Variants in SORL1 observed in about 807,000 individuals in gnomAD.
SORL1 encodes sortilin-related receptor.
In SORL1, 127 loss-of-function variants were observed where a neutral mutation model predicts 273.7. The observed-to-expected ratio is 0.46, with a 90% CI of 0.40 to 0.54. SORL1 has a LOEUF of 0.54. Among genes scored for constraint, SORL1 ranks in the 20% least tolerant of loss-of-function variants. The probability of loss-of-function intolerance (pLI) is 0.00; values close to 1 mark genes in which losing one functional copy is unlikely to be tolerated. For missense variants in SORL1, 2,494 were observed against 2,846.1 expected (o/e 0.88, Z 2.81); for synonymous variants, 1,031 against 1,067.4 (o/e 0.97, Z 0.66).
At chr11:121,625,432 G>A (rs1196762910) in intron 46 of SORL1, among the ~76,000 whole-genome samples, 155 bp downstream of exon 46, 1 of 152,218 alleles carries the variant, frequency 6.6e-6, no homozygotes, top group East Asian at 1.9e-4. Context: ...AGGTAGTGAT[G>A]TATTTAACAA....
chr11:121,514,415 G>A, intron 8 of SORL1, 94 bp downstream of exon 8: 10 of 1,264,836 alleles, frequency 7.9e-6, no homozygotes, highest in Non-Finnish European at 1.1e-5. Context: ...AGCTGCCCAT[G>A]TGGATACACC....
At chr11:121,458,503 C>T (rs1466087390) in intron 1 of SORL1, among the ~76,000 whole-genome samples, 3 of 152,074 alleles carry the variant, frequency 2.0e-5, no homozygotes, top group African/African-American at 4.8e-5. Context: ...AGTATTTCTC[C>T]AGAGGTGGTC....
chr11:121,601,342 T>C (rs1390248786), intron 32 of SORL1, among the ~76,000 whole-genome samples: 1 of 145,922 alleles, frequency 6.9e-6, no homozygotes, highest in Non-Finnish European at 1.5e-5. Flanking sequence ...TTGTGAATAA[T>C]GCCGCAATAA....
chr11:121,595,814 G>T lies in SORL1; in HGVS notation c.4519+42G>T, dbSNP rs188091115. ...CCCTTCACCCCCTGGGCACGTTTCT[G>T]CAGAGAGCACAGTTCTGGTGCTTCT... On this transcript the variant is annotated intron_variant, in intron 32 of 47. Coordinates refer to ENST00000260197, the MANE Select transcript of SORL1 (RefSeq NM_003105.6). The surrounding 1 kb of genome is among the most constrained non-coding windows in gnomAD (Gnocchi z 5.1). 12 of 1,599,352 alleles carry T rather than the reference G, an allele frequency of 7.5e-6. No individual in the cohort carries two copies. In the East Asian group the frequency reaches 1.6e-4, roughly 21 times the overall value.
At position 121,625,227 on chromosome 11, in the gene SORL1, A is replaced by G. The variant is rs2134954363; in HGVS notation, c.6314A>G (p.Asn2105Ser). ...FTVQARCLFG[N>S]QICGEPAILL... Reference sequence around the variant, plus strand: ...GTCCAAGCAAGATGCCTTTTTGGCAACCAGATCTGTGGGGAGCCTGCCATC... The same window carrying G: ...GTCCAAGCAAGATGCCTTTTTGGCAGCCAGATCTGTGGGGAGCCTGCCATC... The change falls in exon 46 of 48, where the codon AAC becomes AGC. Residue 2105 changes from asparagine to serine, a missense_variant. By Grantham distance (46) the Asn-to-Ser change is conservative. Transcript: ENST00000260197. 1 of 1,614,120 alleles carries G rather than the reference A, an allele frequency of 6.2e-7. No homozygotes were observed. Among genetic ancestry groups the G allele is most frequent in the Non-Finnish European group, 8.5e-7 (1 of 1,180,014 alleles).
chr11:121,452,537 C>A lies in SORL1; in HGVS notation c.206C>A (p.Ala69Glu). Residue 69 changes from alanine to glutamate, a missense_variant, in exon 1 of 48, where the codon GCG becomes GAG. Ala to Glu is a moderately radical substitution (Grantham distance 107). Transcript: ENST00000260197. The surrounding 1 kb of genome is among the most constrained non-coding windows in gnomAD (Gnocchi z 5.3). ...RLWARGDARG[A>E]SRADEKPLRR... ...TGGGCGCGCGGGGATGCCAGGGGGG[C>A]GAGCCGCGCGGACGAGAAGCCGCTC... 1 of 1,487,364 alleles carries A rather than the reference C, an allele frequency of 6.7e-7. No individual in the cohort carries two copies. The highest frequency in any genetic ancestry group is 2.3e-5 in the Admixed American group (1 of 43,722). 92.1% of individuals were successfully genotyped at this position (1,487,364 alleles called of 1,614,324 possible). A position where few individuals can be genotyped will look rare whatever the true frequency, so the allele number is the denominator to read the frequency against.
chr11:121,526,438 A>G lies in SORL1; in HGVS notation c.1596+3449A>G, dbSNP rs137896472. On this transcript the variant is annotated intron_variant, in intron 11 of 47. Transcript: ENST00000260197. ...ATTATTTTAAAAATCTTTTTTTATT[A>G]TTGTAGGTCGTTCGTATTTCCTGAT... Among the ~76,000 whole-genome samples the G allele has an allele frequency of 7.2e-5, 11 of 152,184 alleles. No individual in the cohort carries two copies. The East Asian group carries it at 2.1e-3, about 29-fold the overall frequency.
intron 33 of SORL1, 79 bp downstream of exon 33, chr11:121,604,403 C>T (rs766072308): frequency 5.9e-5 from 91 of 1,538,700 alleles, no homozygotes; most frequent in Non-Finnish European, 7.7e-5. Context: ...CCTGTGTAGA[C>T]CTTGAGCTAG....
chr11:121,551,961 G>A (rs1269089929), intron 16 of SORL1, among the ~76,000 whole-genome samples: 2 of 152,232 alleles, frequency 1.3e-5, no homozygotes, highest in Non-Finnish European at 2.9e-5. Flanking sequence ...TGAGGGGCTG[G>A]AGTGCCTACT....
chr11:121,487,116 A>G (rs1210845912), intron 3 of SORL1, among the ~76,000 whole-genome samples: 1 of 152,142 alleles, frequency 6.6e-6, no homozygotes, highest in Non-Finnish European at 1.5e-5. Context: ...CTCATCTCTC[A>G]GCCTGGAGAG....
At chr11:121,600,619 C>G (rs1046097514) in intron 32 of SORL1, among the ~76,000 whole-genome samples, 1 of 152,176 alleles carries the variant, frequency 6.6e-6, no homozygotes, top group African/African-American at 2.4e-5. Flanking sequence ...CAGCCTGTTT[C>G]CAATCTGGCT....
At chr11:121,507,262 G>A (rs1861802810) in intron 6 of SORL1, among the ~76,000 whole-genome samples, 1 of 152,094 alleles carries the variant, frequency 6.6e-6, no homozygotes, top group Non-Finnish European at 1.5e-5. Flanking sequence ...CTGGGTATGG[G>A]TCTCTGAGTT....
intron 44 of SORL1, 35 bp downstream of exon 44, chr11:121,621,273 A>G: frequency 6.3e-7 from 1 of 1,590,760 alleles, no homozygotes; most frequent in Non-Finnish European, 8.6e-7. Flanking sequence ...CTTCTCACAC[A>G]GCCTGCCCTC....
At chr11:121,611,048 C>G in intron 38 of SORL1, 28 bp from the exon 39 acceptor site, 1 of 1,538,558 alleles carries the variant, frequency 6.5e-7, no homozygotes, top group Non-Finnish European at 9.0e-7. Flanking sequence ...CACGTGGCTT[C>G]TGTTTTTGAA....
At chr11:121,505,254 C>T (rs12360983) in intron 6 of SORL1, among the ~76,000 whole-genome samples, 45,002 of 151,766 alleles carry the variant, frequency 0.3, 7,596 homozygotes, top group Middle Eastern at 0.42. Context: ...AGTGTTCACA[C>T]TAATCTTTTT....
chr11:121,536,957 G>C (rs966033228), intron 12 of SORL1, among the ~76,000 whole-genome samples: 2 of 152,102 alleles, frequency 1.3e-5, no homozygotes, highest in African/African-American at 4.8e-5. Flanking sequence ...GTGGGAGCCA[G>C]AATGAGGGCC....
intron 6 of SORL1, among the ~76,000 whole-genome samples, chr11:121,511,014 A>G (rs374119390): frequency 6.6e-6 from 1 of 151,286 alleles, no homozygotes; most frequent in Non-Finnish European, 1.5e-5. Flanking sequence ...TCAGAGCCTT[A>G]CAATACATCT....
At chr11:121,517,370 T>C (rs2134851026) in intron 8 of SORL1, among the ~76,000 whole-genome samples, 1 of 152,352 alleles carries the variant, frequency 6.6e-6, no homozygotes, top group Middle Eastern at 3.4e-3. Flanking sequence ...TTCTTTCACT[T>C]AGCCTAATGT....
chr11:121,523,786 C>T (rs1478304034), intron 11 of SORL1, among the ~76,000 whole-genome samples: 1 of 152,118 alleles, frequency 6.6e-6, no homozygotes, highest in Non-Finnish European at 1.5e-5. Flanking sequence ...TCGAGCAGCC[C>T]CGCAGGCTGG....
Sources: allele counts gnomAD v4.1 joint callset (sites outside exome capture counted in the v4.1 genomes callset), GRCh38; gene constraint gnomAD v4.1.1; non-coding constraint Gnocchi (gnomAD v3.1); transcripts MANE v1.5; gene names NCBI Gene and HGNC (gene_info 2026-07-23, HGNC 2026-07-21).